The following BRINP1 variants were observed in gnomAD, a reference collection of about 807,000 sequenced individuals.
The protein encoded by BRINP1 is BMP/retinoic acid-inducible neural-specific protein 1.
BRINP1 carries 17 observed loss-of-function variants against 72.9 expected under a neutral mutation model. The observed-to-expected ratio is 0.23, with a 90% CI of 0.16 to 0.35. The LOEUF is 0.35. Ranked by LOEUF, BRINP1 falls within the 10% of genes least tolerant of loss-of-function variation. The pLI, the probability that BRINP1 is intolerant of heterozygous loss-of-function variation, is 1.00. For missense variants in BRINP1, 850 were observed against 1,001.6 expected (o/e 0.85, Z 2.04); for synonymous variants, 418 against 378.5 (o/e 1.10, Z -1.21).
chr9:119,213,810 C>T (rs1273429909), intron 6 of BRINP1, 109 bp downstream of exon 6: 3 of 918,486 alleles, frequency 3.3e-6, no homozygotes, highest in East Asian at 2.4e-5. Flanking sequence ...GTGAAAGGGT[C>T]AGGGTCACTG....
chr9:119,359,546 T>C (rs1831607961), intron 1 of BRINP1, among the ~76,000 whole-genome samples: 1 of 152,194 alleles, frequency 6.6e-6, no homozygotes, highest in South Asian at 2.1e-4. Context: ...ATAAGAAAAC[T>C]GGCACAGAAA....
chr9:119,197,221 C>A (rs1564214560), intron 7 of BRINP1, among the ~76,000 whole-genome samples: 1 of 152,186 alleles, frequency 6.6e-6, no homozygotes, highest in Non-Finnish European at 1.5e-5. Flanking sequence ...CCTAAGAAAT[C>A]AGGGATGAAT....
chr9:119,294,853 TA>T (rs59715609), intron 2 of BRINP1, among the ~76,000 whole-genome samples: 1,646 of 127,966 alleles, frequency 0.013, 20 homozygotes, highest in African/African-American at 0.037. Flanking sequence ...GACACTACGT[TA>T]AAAAAAAAAA....
rs1473261931 is a variant in BRINP1 at position 119,249,099 on chromosome 9, C to T, written c.270G>A (p.Leu90=). The T allele has an allele frequency of 6.2e-7, 1 of 1,614,052 alleles. No homozygotes were observed. Among genetic ancestry groups the T allele is most frequent in the Admixed American group, 1.7e-5 (1 of 60,024 alleles). ...GCATGAGGGGCACTGGATGGCGGAC[C>T]AGATCTCTCCTCTCGATGGCTGTGT... The part of the protein sequence containing the change: ...VRNTAIERRD[L]VRHPVPLMPE... Residue 90 remains leucine (L), a synonymous_variant, in exon 3 of 8, where the codon CTG becomes CTA. Transcript: ENST00000265922.
Position 119,167,561 on chromosome 9 carries a change from C to G in BRINP1, c.1809G>C (p.Leu603Phe). Residue 603 changes from leucine (L) to phenylalanine (F), a missense_variant, in exon 8 of 8, where the codon TTG becomes TTC. Coordinates refer to ENST00000265922, the MANE Select transcript of BRINP1 (RefSeq NM_014618.3). The surrounding 1 kb of genome is among the most constrained non-coding windows in gnomAD (Gnocchi z 4.3). ...AAAATGTTTTCCACCGATTGCCCAG[C>G]AAAAGAGTCCAGTTGTAGCACTGGC... ...QNSQCYNWTL[L>F]LGNRWKTFFE... The G allele has an allele frequency of 6.2e-7, 1 of 1,614,154 alleles. No homozygotes were observed. The highest frequency in any genetic ancestry group is 1.7e-5 in the Admixed American group (1 of 60,018).
At chr9:119,365,351 C>G (rs1243294024) in intron 1 of BRINP1, among the ~76,000 whole-genome samples, 1 of 152,198 alleles carries the variant, frequency 6.6e-6, no homozygotes, top group East Asian at 1.9e-4. Flanking sequence ...TGAAGAATGA[C>G]ATTTAAGGAC....
rs1219045184 is a variant in BRINP1 at position 119,367,219 on chromosome 9, T to TATATATATATATA, written c.-51+1836_-51+1837insTATATATATATAT. On this transcript the variant is annotated intron_variant, in intron 1 of 7. Transcript: ENST00000265922. ...TGTGTGTGTGTGTGTGTGTGTGTGA[T>TATATATATATATA]TGATATATATATATATATATATATC... 1.2e-4 allele frequency among the ~76,000 whole-genome samples: 7 copies of TATATATATATATA among 56,510 alleles called. No individual in the cohort carries two copies. The East Asian group carries it at 1.6e-3, about 13-fold the overall frequency. The allele number at this position is 56,510 out of a possible 152,430, so 37.1% of individuals were successfully genotyped here.
chr9:119,322,357 G>A (rs922871206), intron 1 of BRINP1, among the ~76,000 whole-genome samples: 3 of 152,212 alleles, frequency 2.0e-5, no homozygotes, highest in Non-Finnish European at 2.9e-5. Flanking sequence ...TGGTGAGCAC[G>A]TGGGGCCCTT....
chr9:119,205,678 C>T (rs1005698089), intron 7 of BRINP1, among the ~76,000 whole-genome samples: 1 of 152,130 alleles, frequency 6.6e-6, no homozygotes, highest in Non-Finnish European at 1.5e-5. Context: ...AAAATCCTCT[C>T]GAGTCTTCCC....
At chr9:119,318,844 G>GGGGGGGTGTGTGT (rs111313745) in intron 1 of BRINP1, among the ~76,000 whole-genome samples, 1 of 142,146 alleles carries the variant, frequency 7.0e-6, no homozygotes, top group Non-Finnish European at 1.6e-5. Flanking sequence ...AAATGTGTGG[G>GGGGGGGTGTGTGT]GTGTGTGTGT....
At chr9:119,338,223 G>GGTTTTT (rs753482862) in intron 1 of BRINP1, among the ~76,000 whole-genome samples, 1 of 122,470 alleles carries the variant, frequency 8.2e-6, no homozygotes, top group East Asian at 2.5e-4. Context: ...CAGATTATGA[G>GGTTTTT]GTTTTTGTTT....
intron 4 of BRINP1, among the ~76,000 whole-genome samples, chr9:119,240,642 A>G (rs2118910737): frequency 6.6e-6 from 1 of 152,320 alleles, no homozygotes; most frequent in East Asian, 1.9e-4. Context: ...TTCCCTAACA[A>G]CATAATCTCC....
At position 119,167,819 on chromosome 9, in the gene BRINP1, G is replaced by T; in HGVS notation, c.1551C>A (p.Asp517Glu). 1 of 1,614,134 alleles carries T rather than the reference G, an allele frequency of 6.2e-7. No individual in the cohort carries two copies. The highest frequency in any genetic ancestry group is 8.5e-7 in the Non-Finnish European group (1 of 1,180,028). Residue 517 changes from aspartate (D) to glutamate (E), a missense_variant, in exon 8 of 8, where the codon GAC becomes GAA. Transcript: ENST00000265922. This position sits in a 1 kb window ranked among gnomAD's most constrained non-coding sequence, Gnocchi z 4.3. ...GGGACATGCGCTTGCGCCACCGAGG[G>T]TCAAAGAAGGTGTCGAGGCGGATCT... ...SNEIRLDTFF[D>E]PRWRKRMSLT... is the part of the protein sequence containing the mutation.
rs538367814 is a variant in BRINP1, at chr9:119,242,638, C to T, written c.410-422G>A. 2.6e-5 allele frequency among the ~76,000 whole-genome samples: 4 copies of T among 152,266 alleles called. No homozygotes were observed. The South Asian group carries it at 8.3e-4, about 32-fold the overall frequency. On this transcript the variant is annotated intron_variant, in intron 3 of 7. Coordinates refer to ENST00000265922, the MANE Select transcript of BRINP1 (RefSeq NM_014618.3). ...TCCTCCTTTTCCTCTACTCTCCCAT[C>T]TCCCCTTCATTTCTTTCTCCTTTCC...
At chr9:119,180,963 AG>A (rs1829550283) in intron 7 of BRINP1, among the ~76,000 whole-genome samples, 1 of 152,184 alleles carries the variant, frequency 6.6e-6, no homozygotes, top group Non-Finnish European at 1.5e-5. Context: ...CTTTAAAATT[AG>A]GTTGTCAGGA....
At chr9:119,289,421 A>T (rs745361256) in intron 2 of BRINP1, among the ~76,000 whole-genome samples, 2 of 152,188 alleles carry the variant, frequency 1.3e-5, no homozygotes, top group Non-Finnish European at 2.9e-5. Flanking sequence ...TTAGGAGATC[A>T]GTTAACTCTG....
chr9:119,258,161 T>C (rs1464824540), intron 2 of BRINP1, among the ~76,000 whole-genome samples: 1 of 152,200 alleles, frequency 6.6e-6, no homozygotes, highest in Non-Finnish European at 1.5e-5. Flanking sequence ...AGTTTTACTC[T>C]TATGCCAGCC....
intron 7 of BRINP1, among the ~76,000 whole-genome samples, chr9:119,190,143 A>T (rs76315084): frequency 0.035 from 5,363 of 152,090 alleles, 294 homozygotes; most frequent in African/African-American, 0.12. Context: ...GAAACATGAC[A>T]TATGAAAACC....
At chr9:119,209,712 C>A (rs910981671) in intron 6 of BRINP1, among the ~76,000 whole-genome samples, 2 of 152,132 alleles carry the variant, frequency 1.3e-5, no homozygotes, top group African/African-American at 4.8e-5. Flanking sequence ...CTGTTGCCTG[C>A]TAAAAAAATC....
Sources: gnomAD v4.1 joint callset for allele counts (sites outside exome capture counted in the v4.1 genomes callset) on GRCh38, gnomAD v4.1.1 for gene constraint, Gnocchi (gnomAD v3.1) non-coding constraint, MANE v1.5 for transcripts, NCBI Gene and HGNC (gene_info 2026-07-23, HGNC 2026-07-21) for gene names.